AFF3: variants seen among roughly 807,000 people sequenced by gnomAD.
AFF3 encodes the protein AF4/FMR2 family member 3.
A neutral mutation model predicts 129.7 loss-of-function variants in AFF3; 32 were observed. The observed-to-expected ratio is 0.25, with a 90% confidence interval of 0.19 to 0.33. The LOEUF is 0.33. AFF3 is among the 10% of genes least tolerant of loss of function. The probability of loss-of-function intolerance (pLI) is 1.00; values close to 1 mark genes in which losing one functional copy is unlikely to be tolerated. For missense variants in AFF3, 1,373 were observed against 1,592.0 expected (o/e 0.86, Z 2.34); for synonymous variants, 644 against 635.4 (o/e 1.01, Z -0.20).
intron 13 of AFF3, among the ~76,000 whole-genome samples, chr2:99,623,203 T>C (rs1173740481): frequency 6.8e-6 from 1 of 146,836 alleles, no homozygotes; most frequent in African/African-American, 2.5e-5. Flanking sequence ...TGATGCCAAA[T>C]AAGGGCAATG....
At chr2:99,789,443 C>T (rs1203160081) in intron 8 of AFF3, among the ~76,000 whole-genome samples, 1 of 60,994 alleles carries the variant, frequency 1.6e-5, no homozygotes, top group Non-Finnish European at 2.8e-5. Flanking sequence ...GAGGCCCTGT[C>T]ACCAAAAAAA....
At chr2:100,087,236 A>G (rs1689516997) in intron 4 of AFF3, among the ~76,000 whole-genome samples, 1 of 152,208 alleles carries the variant, frequency 6.6e-6, no homozygotes, top group Admixed American at 6.5e-5. Context: ...CCCTGAAGGT[A>G]TTTGAATTTT....
chr2:99,830,283 T>TAA (rs1044852513), intron 8 of AFF3, among the ~76,000 whole-genome samples: 1 of 146,694 alleles, frequency 6.8e-6, no homozygotes, highest in African/African-American at 2.5e-5. Flanking sequence ...GAGCTTAAAG[T>TAA]AAAAAAAAAA....
At position 99,565,272 on chromosome 2, in the gene AFF3, T is replaced by C. The variant is rs111913875; in HGVS notation, c.3119+215A>G. Among the ~76,000 whole-genome samples the C allele has an allele frequency of 6.5e-3, 983 of 152,158 alleles. 10 individuals are homozygous for C. Among genetic ancestry groups the C allele is most frequent in the African/African-American group, 0.022 (917 of 41,522 alleles). On this transcript the variant is annotated intron_variant, in intron 20 of 24. Transcript: ENST00000672756. Reference sequence around the variant, plus strand: ...CAGACTCAGCCTCCTCCCTCAGCAATTGGGGGCTACAGCAGCTGCCCCCCT... The same window carrying C: ...CAGACTCAGCCTCCTCCCTCAGCAACTGGGGGCTACAGCAGCTGCCCCCCT...
chr2:100,105,227 C>T, intron 3 of AFF3: 1 of 952,276 alleles, frequency 1.1e-6, no homozygotes, highest in Non-Finnish European at 1.4e-6. Context: ...CTTGACCCTG[C>T]TGGGCGCTCC....
chr2:99,877,829 C>CA (rs1692413855), intron 7 of AFF3, among the ~76,000 whole-genome samples: 1 of 152,000 alleles, frequency 6.6e-6, no homozygotes, highest in Non-Finnish European at 1.5e-5. Context: ...CAAAAACGTG[C>CA]ACTATTCATT....
rs908554303 is a variant in AFF3 at position 99,715,776 on chromosome 2, G to T, written c.1091+11301C>A. ...AAGCTCCGCCTCCCAGGTTCACGCC[G>T]TTCTTCTGCCTCAGCCTCCCGAGTA... is the stretch of plus-strand genomic sequence containing the variant. On this transcript the variant is annotated intron_variant, in intron 11 of 24. Coordinates refer to ENST00000672756, the MANE Select transcript of AFF3 (RefSeq NM_001386135.1). Among the ~76,000 whole-genome samples, 3 of 151,456 alleles carry T rather than the reference G, an allele frequency of 2.0e-5. No individual in the cohort carries two copies. The South Asian group carries it at 6.3e-4, about 32-fold the overall frequency.
chr2:99,870,685 T>C (rs1691806789), intron 7 of AFF3, among the ~76,000 whole-genome samples: 1 of 152,232 alleles, frequency 6.6e-6, no homozygotes, highest in Non-Finnish European at 1.5e-5. Context: ...GAAGGCACTT[T>C]GTAACCATCT....
intron 7 of AFF3, among the ~76,000 whole-genome samples, chr2:99,981,028 T>C (rs2104506305): frequency 6.6e-6 from 1 of 152,348 alleles, no homozygotes; most frequent in Non-Finnish European, 1.5e-5. Context: ...TGTTTTGTTT[T>C]GTTTGAGACG....
At chr2:100,099,823 T>C (rs2576637) in intron 4 of AFF3, among the ~76,000 whole-genome samples, 2 of 152,218 alleles carry the variant, frequency 1.3e-5, no homozygotes, top group Non-Finnish European at 2.9e-5. Context: ...AGAAAGAGGA[T>C]AGGAAATATC....
At chr2:100,113,956 C>A (rs1377371800) in intron 2 of AFF3, among the ~76,000 whole-genome samples, 1 of 152,052 alleles carries the variant, frequency 6.6e-6, no homozygotes, top group African/African-American at 2.4e-5. Flanking sequence ...GAAAAGGAGC[C>A]AAGGCCAGGG....
intron 7 of AFF3, among the ~76,000 whole-genome samples, chr2:99,957,194 TGC>T (rs553753283): frequency 0.018 from 2,720 of 151,516 alleles, 85 homozygotes; most frequent in African/African-American, 0.064. Flanking sequence ...TGTGTGTGTG[TGC>T]GCGCGCGCGC....
chr2:99,677,595 G>A (rs562467918), intron 11 of AFF3, among the ~76,000 whole-genome samples: 1 of 152,280 alleles, frequency 6.6e-6, no homozygotes, highest in East Asian at 1.9e-4. Flanking sequence ...AGCTGCACTC[G>A]CTCACGCTTT....
At chr2:100,063,079 C>T (rs1160332936) in intron 4 of AFF3, among the ~76,000 whole-genome samples, 2 of 151,872 alleles carry the variant, frequency 1.3e-5, no homozygotes, top group African/African-American at 4.8e-5. Flanking sequence ...GGTGAAACCC[C>T]GTCTCTACTA....
At chr2:100,023,580 A>G (rs1402853525) in intron 4 of AFF3, among the ~76,000 whole-genome samples, 2 of 152,124 alleles carry the variant, frequency 1.3e-5, no homozygotes, top group East Asian at 3.9e-4. Context: ...ACTTCCTATC[A>G]CTGAACGCAT....
Position 99,709,952 on chromosome 2 carries a change from T to A in AFF3, c.1091+17125A>T, listed in dbSNP as rs77647978. 1.2e-3 allele frequency among the ~76,000 whole-genome samples: 186 copies of A among 152,308 alleles called. 4 individuals are homozygous for A. In the East Asian group the frequency reaches 0.033, roughly 27 times the overall value. On this transcript the variant is annotated intron_variant, in intron 11 of 24. Transcript: ENST00000672756. The stretch of plus-strand genomic sequence containing the variant: ...ATCCATGTTTTTAATGCAGCTCAGG[T>A]GTCTGTAGTCTGAGGCAGTGAGGAA...
At chr2:99,710,692 A>G (rs1370472264) in intron 11 of AFF3, among the ~76,000 whole-genome samples, 1 of 152,160 alleles carries the variant, frequency 6.6e-6, no homozygotes, top group Non-Finnish European at 1.5e-5. Context: ...CCTGAATGTG[A>G]AAGTTTGGTC....
intron 13 of AFF3, chr2:99,630,938 A>G: frequency 9.7e-6 from 4 of 411,026 alleles, no homozygotes; most frequent in Non-Finnish European, 2.0e-5. Context: ...GTGACGTAGC[A>G]GAGAACACAG....
chr2:99,829,071 A>G (rs182685873), intron 8 of AFF3, among the ~76,000 whole-genome samples: 1 of 152,344 alleles, frequency 6.6e-6, no homozygotes, highest in East Asian at 1.9e-4. Context: ...ACAAGAGTTA[A>G]GTTCCTACAG....
Sources: allele counts gnomAD v4.1 joint callset (sites outside exome capture counted in the v4.1 genomes callset), GRCh38; gene constraint gnomAD v4.1.1; transcripts MANE v1.5; gene names NCBI Gene and HGNC (gene_info 2026-07-23, HGNC 2026-07-21).